Variants in CD300LD observed in about 807,000 individuals in gnomAD.
CD300LD encodes CMRF35-like molecule 5.
Under a neutral mutation model 20.3 loss-of-function variants are expected in CD300LD, and 18 were observed. The ratio of observed to expected loss-of-function variants is 0.89; its 90% CI spans 0.61 to 1.32. The LOEUF (loss-of-function observed/expected upper bound fraction) is 1.32, where lower values mean the gene tolerates loss of function less well. Among genes scored for constraint, CD300LD ranks in the 40% most tolerant of loss-of-function variants. The pLI, the probability that CD300LD is intolerant of heterozygous loss-of-function variation, is 0.00. For synonymous variants in CD300LD, 104 were observed against 90.1 expected, an observed-to-expected ratio of 1.15 and a Z score of -0.87; for missense variants, 195 against 226.6, an observed-to-expected ratio of 0.86 and a Z score of 0.90.
At chr17:74,592,116 A>G (rs2143305381) in intron 1 of CD300LD, 47 bp downstream of exon 1, 1 of 1,614,136 alleles carries the variant, frequency 6.2e-7, no homozygotes, top group Non-Finnish European at 8.5e-7. Flanking sequence ...TCTGTCTCCA[A>G]GCCAGCCGCT....
chr17:74,578,820 C>A (rs1199663990), downstream of CD300LD, among the ~76,000 whole-genome samples: 2 of 152,156 alleles, frequency 1.3e-5, no homozygotes, highest in Non-Finnish European at 2.9e-5. Flanking sequence ...GATGATCCCA[C>A]TGGGCAGGGG....
At chr17:74,588,049 T>C (rs2030207919) in intron 2 of CD300LD, among the ~76,000 whole-genome samples, 1 of 152,198 alleles carries the variant, frequency 6.6e-6, no homozygotes, top group African/African-American at 2.4e-5. Flanking sequence ...TTTCTTACAG[T>C]TATGGAGGCT....
chr17:74,587,781 C>T (rs555985450), intron 2 of CD300LD, among the ~76,000 whole-genome samples: 2 of 152,152 alleles, frequency 1.3e-5, no homozygotes, highest in South Asian at 2.1e-4. Flanking sequence ...TCCCTTTGGC[C>T]TGTGGGCTGA....
chr17:74,583,894 G>A (rs1418846207), intron 2 of CD300LD, among the ~76,000 whole-genome samples: 3 of 151,734 alleles, frequency 2.0e-5, no homozygotes, highest in African/African-American at 4.8e-5. Context: ...TGGGACTACA[G>A]GTTAGTGCCA....
intron 2 of CD300LD, among the ~76,000 whole-genome samples, chr17:74,583,179 T>C (rs1373838882): frequency 6.6e-6 from 1 of 151,202 alleles, no homozygotes; most frequent in Non-Finnish European, 1.5e-5. Context: ...GGGACTGAAC[T>C]GTGGACCCCT....
chr17:74,582,189 C>G, intron 3 of CD300LD, 29 bp downstream of exon 3: 4 of 1,604,902 alleles, frequency 2.5e-6, no homozygotes, highest in Non-Finnish European at 3.4e-6. Context: ...CAGGCCTGTG[C>G]GAAAGTGGTG....
At position 74,579,468 on chromosome 17, in the gene CD300LD, G is replaced by A. The variant is rs550752316; in HGVS notation, c.*534C>T. 1 of 152,854 alleles carries A rather than the reference G, an allele frequency of 6.5e-6. No homozygotes were observed. The highest frequency in any genetic ancestry group is 1.9e-4 in the East Asian group (1 of 5,190). 9.5% of individuals were successfully genotyped at this position (152,854 alleles called of 1,614,324 possible). A position where few individuals can be genotyped will look rare whatever the true frequency, so the allele number is the denominator to read the frequency against. The stretch of plus-strand genomic sequence containing the variant: ...GGAAGAAGGGCTCTGTCAGGCCCCA[G>A]GGACTGTGCAGAGAAGGGAATAGCC... On this transcript the variant is annotated 3_prime_UTR_variant, in exon 4 of 4. Transcript: ENST00000375352.
chr17:74,584,563 T>C (rs1267972367), intron 2 of CD300LD: 1 of 152,182 alleles, frequency 6.6e-6, no homozygotes, highest in Non-Finnish European at 1.5e-5. Flanking sequence ...ATCTGAAGCC[T>C]GTTGTACAAA....
At chr17:74,581,529 C>G (rs555520091) in intron 3 of CD300LD, among the ~76,000 whole-genome samples, 1 of 152,368 alleles carries the variant, frequency 6.6e-6, no homozygotes, top group South Asian at 2.1e-4. Context: ...CTCCAGACCC[C>G]TCTGCCAGCT....
rs944801649 is a variant in CD300LD at position 74,579,367 on chromosome 17, T to G, written c.*635A>C. The G allele has an allele frequency of 6.6e-6, 1 of 152,160 alleles. No individual in the cohort carries two copies. Among genetic ancestry groups the G allele is most frequent in the Non-Finnish European group, 1.5e-5 (1 of 68,030 alleles). 9.4% of individuals were successfully genotyped at this position (152,160 alleles called of 1,614,324 possible). ...TGGCTCACAGACCTGAGATCACGAA[T>G]GTCCACTACGGCATAGGTGCCTCTC... On this transcript the variant is annotated 3_prime_UTR_variant, in exon 4 of 4. Transcript: ENST00000375352.
rs976431721 is a variant in CD300LD at position 74,580,009 on chromosome 17, C to G, written c.578G>C (p.Arg193Thr). Reference protein sequence around the residue: ...TVLWVNRPQRRS With the variant: ...TVLWVNRPQRTS Reference sequence around the variant, plus strand: ...GGGCTGACTCCTCCTCCTTCAAGACCTTCTTTGTGGTCTGTTTACCCAGAG... The same window carrying G: ...GGGCTGACTCCTCCTCCTTCAAGACGTTCTTTGTGGTCTGTTTACCCAGAG... Residue 193 changes from arginine (R) to threonine (T), a missense_variant, in exon 4 of 4, where the codon AGG (arginine) becomes ACG (threonine). By Grantham distance (71) the Arg-to-Thr change is moderately conservative (BLOSUM62 -1). Coordinates refer to ENST00000375352, the MANE Select transcript of CD300LD (RefSeq NM_001115152.2). 1 of 1,609,278 alleles carries G rather than the reference C, an allele frequency of 6.2e-7. No individual in the cohort carries two copies. The highest frequency in any genetic ancestry group is 8.5e-7 in the Non-Finnish European group (1 of 1,177,196).
chr17:74,589,629 C>G (rs375134676), intron 1 of CD300LD, among the ~76,000 whole-genome samples: 41 of 152,328 alleles, frequency 2.7e-4, no homozygotes, highest in Middle Eastern at 3.4e-3. Context: ...TCTCCATGAA[C>G]TTGTCAGCCT....
At chr17:74,585,491 T>A (rs2030136491) in intron 2 of CD300LD, among the ~76,000 whole-genome samples, 1 of 152,164 alleles carries the variant, frequency 6.6e-6, no homozygotes, top group African/African-American at 2.4e-5. Context: ...CCTCCTTCAG[T>A]AGCAGAAATA....
At chr17:74,590,282 T>C (rs868259359) in intron 1 of CD300LD, among the ~76,000 whole-genome samples, 1 of 152,158 alleles carries the variant, frequency 6.6e-6, no homozygotes, top group South Asian at 2.1e-4. Flanking sequence ...TCCCCAGTCA[T>C]GTGGAACTGT....
intron 2 of CD300LD, among the ~76,000 whole-genome samples, chr17:74,583,084 G>C (rs1408550145): frequency 6.6e-6 from 1 of 151,952 alleles, no homozygotes; most frequent in Non-Finnish European, 1.5e-5. Flanking sequence ...GTGTATACCC[G>C]GTAACACCAC....
chr17:74,590,606 C>A (rs1339245486), intron 1 of CD300LD: 2 of 152,212 alleles, frequency 1.3e-5, no homozygotes, highest in East Asian at 3.9e-4. Flanking sequence ...AAATTGGACT[C>A]CATGCCCAAA....
rs375604477 is a variant in CD300LD at position 74,587,539 on chromosome 17, T to C, written c.379+972A>G. Among the ~76,000 whole-genome samples, 406 of 152,376 alleles carry C rather than the reference T, an allele frequency of 2.7e-3. 3 individuals are homozygous for C. Among genetic ancestry groups the C allele is most frequent in the African/African-American group, 9.4e-3 (391 of 41,592 alleles). ...GAAAACATATCTCATTTCATTGATT[T>C]TTCCCTATTACTTTTGTTTTCGATT... On this transcript the variant is annotated intron_variant, in intron 2 of 3. Transcript: ENST00000375352.
At chr17:74,590,040 A>C (rs1348141480) in intron 1 of CD300LD, among the ~76,000 whole-genome samples, 1 of 152,112 alleles carries the variant, frequency 6.6e-6, no homozygotes, top group African/African-American at 2.4e-5. Flanking sequence ...TCCTCACCCA[A>C]ATCTCATCTT....
intron 2 of CD300LD, among the ~76,000 whole-genome samples, chr17:74,583,481 C>T (rs1247164585): frequency 6.6e-6 from 1 of 152,210 alleles, no homozygotes. Flanking sequence ...CTCGGACTTC[C>T]AGCCTCCAGA....
Sources: allele counts gnomAD v4.1 joint callset (sites outside exome capture counted in the v4.1 genomes callset), GRCh38; gene constraint gnomAD v4.1.1; transcripts MANE v1.5; gene names NCBI Gene and HGNC (gene_info 2026-07-23, HGNC 2026-07-21).